Variants in SCFD2 observed in about 807,000 individuals in gnomAD.
The protein encoded by SCFD2 is sec1 family domain-containing protein 2.
SCFD2 carries 54 observed loss-of-function variants against 58.9 expected under a neutral mutation model. The observed-to-expected ratio is 0.92, with a 90% CI of 0.74 to 1.15. The LOEUF (loss-of-function observed/expected upper bound fraction) is 1.15, where lower values mean the gene tolerates loss of function less well. Among genes scored for constraint, SCFD2 ranks in the 50% most tolerant of loss-of-function variants. The pLI, the probability that SCFD2 is intolerant of heterozygous loss-of-function variation, is 0.00. For synonymous variants in SCFD2, 321 were observed against 335.9 expected (o/e 0.96, Z 0.49); for missense variants, 805 against 836.6 (o/e 0.96, Z 0.47).
At chr4:52,933,000 G>A (rs1044209586) in intron 5 of SCFD2, among the ~76,000 whole-genome samples, 6 of 152,204 alleles carry the variant, frequency 3.9e-5, no homozygotes, top group South Asian at 2.1e-4. Context: ...GTGAGGAGGA[G>A]AAGAGTAGAA....
At chr4:53,176,688 G>A (rs942010169) in intron 4 of SCFD2, among the ~76,000 whole-genome samples, 8 of 152,186 alleles carry the variant, frequency 5.3e-5, no homozygotes, top group Non-Finnish European at 7.3e-5. Context: ...AGTGGCTCAC[G>A]CCTGTAATCC....
chr4:53,221,822 C>G (rs182903960), intron 4 of SCFD2, among the ~76,000 whole-genome samples: 1 of 152,326 alleles, frequency 6.6e-6, no homozygotes, highest in East Asian at 1.9e-4. Flanking sequence ...GGAGATCCAG[C>G]AGCTCTACTA....
At chr4:52,992,894 G>A (rs1204585600) in intron 5 of SCFD2, among the ~76,000 whole-genome samples, 2 of 152,228 alleles carry the variant, frequency 1.3e-5, no homozygotes, top group Admixed American at 6.5e-5. Flanking sequence ...TCTGGGAGGT[G>A]TACCCAACAG....
At chr4:53,143,795 T>TACACACAC (rs113492027) in intron 5 of SCFD2, among the ~76,000 whole-genome samples, 8,467 of 146,570 alleles carry the variant, frequency 0.058, 293 homozygotes, top group Middle Eastern at 0.14. Context: ...CACCTAAACA[T>TACACACAC]ACACACACAC....
At chr4:53,188,554 T>TC (rs1164268049) in intron 4 of SCFD2, among the ~76,000 whole-genome samples, 1 of 151,680 alleles carries the variant, frequency 6.6e-6, no homozygotes, top group African/African-American at 2.4e-5. Flanking sequence ...AGCCCCATCC[T>TC]CCCTACATGG....
chr4:53,049,803 T>TA (rs1365785191), intron 5 of SCFD2, among the ~76,000 whole-genome samples: 2 of 152,128 alleles, frequency 1.3e-5, no homozygotes, highest in Non-Finnish European at 2.9e-5. Context: ...GAAAATTAGA[T>TA]AAAATGCACA....
intron 4 of SCFD2, among the ~76,000 whole-genome samples, chr4:53,211,306 G>C (rs1222192645): frequency 6.6e-6 from 1 of 151,352 alleles, no homozygotes. Flanking sequence ...ACCCTTGGAG[G>C]TTCCTGGAGG....
intron 5 of SCFD2, among the ~76,000 whole-genome samples, chr4:52,959,629 TGACACAAGCTCTTGCTTCGTATAC>T (rs1050402552): frequency 7.9e-5 from 12 of 152,146 alleles, no homozygotes; most frequent in Non-Finnish European, 1.5e-4. Flanking sequence ...CAACTTTATA[TGACACAAGCTCTTGCTTCGTATAC>T]GACACAGGCA....
chr4:52,977,400 GGGGGTCA>G (rs1721279907), intron 5 of SCFD2, among the ~76,000 whole-genome samples: 1 of 152,058 alleles, frequency 6.6e-6, no homozygotes, highest in Non-Finnish European at 1.5e-5. Flanking sequence ...CTAAGGTCAA[GGGGGTCA>G]GGGCTGGCAG....
intron 2 of SCFD2, among the ~76,000 whole-genome samples, chr4:53,337,067 A>C (rs951544637): frequency 3.3e-5 from 5 of 152,110 alleles, no homozygotes; most frequent in African/African-American, 9.7e-5. Flanking sequence ...TGCCATAAAA[A>C]ATTACCACAA....
At chr4:53,000,507 C>T (rs994648306) in intron 5 of SCFD2, among the ~76,000 whole-genome samples, 3 of 152,158 alleles carry the variant, frequency 2.0e-5, no homozygotes, top group East Asian at 3.9e-4. Flanking sequence ...TCTGACTTTG[C>T]ACCTATTCTA....
intron 3 of SCFD2, among the ~76,000 whole-genome samples, chr4:53,299,537 A>G (rs1323785436): frequency 6.6e-6 from 1 of 152,198 alleles, no homozygotes; most frequent in Non-Finnish European, 1.5e-5. Context: ...GATATTATCC[A>G]GGAGAACTTC....
intron 6 of SCFD2, among the ~76,000 whole-genome samples, chr4:52,912,550 A>C (rs1012717120): frequency 3.3e-5 from 5 of 152,184 alleles, no homozygotes; most frequent in African/African-American, 1.2e-4. Flanking sequence ...CTACTGAAAG[A>C]ACTAAGTACA....
intron 4 of SCFD2, among the ~76,000 whole-genome samples, chr4:53,256,941 GGA>G (rs375762582): frequency 4.2e-4 from 61 of 146,686 alleles, no homozygotes; most frequent in African/African-American, 1.5e-3. Flanking sequence ...GGAGGGAGAG[GGA>G]GAGCTAAACC....
At chr4:53,319,183 G>A (rs898480222) in intron 2 of SCFD2, among the ~76,000 whole-genome samples, 3 of 152,206 alleles carry the variant, frequency 2.0e-5, no homozygotes, top group African/African-American at 4.8e-5. Context: ...GGAATGGAGT[G>A]AAGAGTAAAG....
rs755241030 is a variant in SCFD2 at position 53,207,311 on chromosome 4, T to TA, written c.1312-61730dup. On this transcript the variant is annotated intron_variant, in intron 4 of 8. Transcript: ENST00000401642. ...ACCTAGGAATGTAATACATTTTTGC[T>TA]AAAAAAAAAAAAAAAGGATGATGGC... Among the ~76,000 whole-genome samples, 705 of 109,680 alleles carry TA rather than the reference T, an allele frequency of 6.4e-3. 8 individuals are homozygous for TA. The highest frequency in any genetic ancestry group is 0.029 in the South Asian group (103 of 3,582). 72.0% of individuals were successfully genotyped at this position (109,680 alleles called of 152,430 possible).
intron 7 of SCFD2, among the ~76,000 whole-genome samples, chr4:52,905,116 G>A (rs114722111): frequency 6.6e-6 from 1 of 152,322 alleles, no homozygotes; most frequent in African/African-American, 2.4e-5. Flanking sequence ...GCTGGTAAAT[G>A]GTTATAACCA....
chr4:53,054,597 A>C (rs1723271034), intron 5 of SCFD2, among the ~76,000 whole-genome samples: 1 of 152,076 alleles, frequency 6.6e-6, no homozygotes, highest in Non-Finnish European at 1.5e-5. Context: ...AGCCAGAGAC[A>C]GATGAAGTAA....
intron 5 of SCFD2, chr4:52,957,310 A>G (rs904787916): frequency 6.6e-6 from 1 of 152,220 alleles, no homozygotes; most frequent in Non-Finnish European, 1.5e-5. Context: ...CACACTGTAT[A>G]AACATCAGAT....
Sources: allele counts gnomAD v4.1 joint callset (sites outside exome capture counted in the v4.1 genomes callset), GRCh38; gene constraint gnomAD v4.1.1; transcripts MANE v1.5; gene names NCBI Gene and HGNC (gene_info 2026-07-23, HGNC 2026-07-21).